ZNHIT6: variants seen among roughly 807,000 people sequenced by gnomAD.
ZNHIT6 encodes the protein zinc finger HIT-type containing 6.
Under a neutral mutation model 57.2 loss-of-function variants are expected in ZNHIT6, and 45 were observed. That is an observed-to-expected ratio of 0.79 (90% CI 0.62 to 1.01). The LOEUF (loss-of-function observed/expected upper bound fraction) is 1.01, where lower values mean the gene tolerates loss of function less well. ZNHIT6 is among the 50% of genes least tolerant of loss of function. The pLI, the probability that ZNHIT6 is intolerant of heterozygous loss-of-function variation, is 0.00. For synonymous variants in ZNHIT6, 188 were observed against 190.0 expected (o/e 0.99, Z 0.09); for missense variants, 528 against 567.3 (o/e 0.93, Z 0.70).
At chr1:85,683,871 C>T (rs748191983) in intron 5 of ZNHIT6, among the ~76,000 whole-genome samples, 8 of 151,948 alleles carry the variant, frequency 5.3e-5, no homozygotes, top group Non-Finnish European at 1.2e-4. Context: ...CACTGCAGGA[C>T]GTTTAGCAGC....
chr1:85,680,167 C>A (rs747573929), intron 6 of ZNHIT6, among the ~76,000 whole-genome samples: 1 of 152,208 alleles, frequency 6.6e-6, no homozygotes, highest in Admixed American at 6.5e-5. Flanking sequence ...GTCCGCACCA[C>A]TGCACTCCAG....
chr1:85,687,278 T>C (rs1662074499), intron 5 of ZNHIT6, among the ~76,000 whole-genome samples: 1 of 10,080 alleles, frequency 9.9e-5, no homozygotes, highest in Admixed American at 1.3e-3. Context: ...GAGAAGACTA[T>C]CTCAAAAAAC....
chr1:85,660,834 T>C (rs1661202773), intron 8 of ZNHIT6, among the ~76,000 whole-genome samples: 1 of 152,208 alleles, frequency 6.6e-6, no homozygotes, highest in African/African-American at 2.4e-5. Context: ...TGTCAACTGA[T>C]AAATTATTTT....
At chr1:85,702,821 T>C (rs564459425) in intron 4 of ZNHIT6, among the ~76,000 whole-genome samples, 35 of 152,332 alleles carry the variant, frequency 2.3e-4, no homozygotes, top group Non-Finnish European at 8.8e-5. Flanking sequence ...CTGACATGTG[T>C]TATTACATTG....
At chr1:85,657,081 T>C (rs1169543694) in intron 9 of ZNHIT6, among the ~76,000 whole-genome samples, 1 of 152,142 alleles carries the variant, frequency 6.6e-6, no homozygotes, top group Non-Finnish European at 1.5e-5. Context: ...TGGATTAAGG[T>C]GGGTAATCTT....
At chr1:85,655,488 C>A (rs1457664061) in intron 9 of ZNHIT6, among the ~76,000 whole-genome samples, 1 of 152,162 alleles carries the variant, frequency 6.6e-6, no homozygotes, top group African/African-American at 2.4e-5. Flanking sequence ...TTGAGTTACA[C>A]TAGAACATCA....
At chr1:85,696,055 A>AG (rs1250037288) in intron 5 of ZNHIT6, among the ~76,000 whole-genome samples, 1 of 152,168 alleles carries the variant, frequency 6.6e-6, no homozygotes, top group Non-Finnish European at 1.5e-5. Context: ...AAAAAACAGC[A>AG]TGGTTCATCT....
chr1:85,678,896 G>C (rs1262072649), intron 6 of ZNHIT6, 115 bp from the exon 7 acceptor site: 1 of 546,608 alleles, frequency 1.8e-6, no homozygotes, highest in Non-Finnish European at 3.1e-6. Flanking sequence ...ACTGAACAAA[G>C]ACCTTTTATA....
At chr1:85,667,961 A>AAAAAAAAAAAAATGTATATAT in intron 8 of ZNHIT6, among the ~76,000 whole-genome samples, 3 of 18,200 alleles carry the variant, frequency 1.6e-4, no homozygotes, top group Non-Finnish European at 3.0e-4. Flanking sequence ...AAAAAAAAAA[A>AAAAAAAAAAAAATGTATATAT]ATATATATAT....
chr1:85,678,833 C>T (rs1304378583), intron 6 of ZNHIT6, 52 bp from the exon 7 acceptor site: 1 of 1,019,226 alleles, frequency 9.8e-7, no homozygotes, highest in Non-Finnish European at 1.4e-6. Flanking sequence ...TAATTTTCTA[C>T]TAAAGGTGTT....
chr1:85,704,402 G>A (rs1292007678), intron 4 of ZNHIT6, among the ~76,000 whole-genome samples: 3 of 151,954 alleles, frequency 2.0e-5, no homozygotes, highest in Non-Finnish European at 2.9e-5. Flanking sequence ...AACAAATTGT[G>A]GTACAGTCCT....
At chr1:85,681,624 G>A (rs1181844389) in intron 5 of ZNHIT6, among the ~76,000 whole-genome samples, 2 of 152,124 alleles carry the variant, frequency 1.3e-5, no homozygotes, top group Non-Finnish European at 2.9e-5. Context: ...ATCCATTAGA[G>A]CAAGTTAATG....
intron 5 of ZNHIT6, 36 bp from the exon 6 acceptor site, chr1:85,680,940 GATA>G: frequency 6.7e-7 from 1 of 1,500,514 alleles, no homozygotes; most frequent in Non-Finnish European, 9.2e-7. Context: ...AATCAAGGTA[GATA>G]ATAAAAGTCT....
rs565628633 is a variant in ZNHIT6, at chr1:85,681,875, CA to C, written c.1020-972del. Among the ~76,000 whole-genome samples, 168 of 151,920 alleles carry C rather than the reference CA, an allele frequency of 1.1e-3. No individual in the cohort carries two copies. In the Middle Eastern group the frequency reaches 0.017, roughly 15 times the overall value. On this transcript the variant is annotated intron_variant, in intron 5 of 9. Transcript: ENST00000370574. ...TTTAAAAATTTGAATGCAAAAGCAA[CA>C]GTTACTAGTTTTAAATAAATAATTC...
rs574027299 is a variant in ZNHIT6 at position 85,703,774 on chromosome 1, G to C, written c.916-1514C>G. Among the ~76,000 whole-genome samples the C allele has an allele frequency of 2.6e-5, 4 of 152,166 alleles. No individual in the cohort carries two copies. In the South Asian group the frequency reaches 8.3e-4, roughly 32 times the overall value. On this transcript the variant is annotated intron_variant, in intron 4 of 9. Coordinates refer to ENST00000370574, the MANE Select transcript of ZNHIT6 (RefSeq NM_017953.4). ...CCTACTAACTATAAAGGAAACAAATGATAAATTTGACTACATTAAAACTAA... is the reference window on the plus strand; with the variant it reads ...CCTACTAACTATAAAGGAAACAAATCATAAATTTGACTACATTAAAACTAA...
At chr1:85,704,089 C>G (rs1014984645) in intron 4 of ZNHIT6, among the ~76,000 whole-genome samples, 1 of 152,128 alleles carries the variant, frequency 6.6e-6, no homozygotes, top group Non-Finnish European at 1.5e-5. Context: ...ACAAAGCCAA[C>G]AGATTGACAA....
At chr1:85,654,943 A>C (rs961160927) in intron 9 of ZNHIT6, among the ~76,000 whole-genome samples, 1 of 152,212 alleles carries the variant, frequency 6.6e-6, no homozygotes. Context: ...ACAGCTTATA[A>C]AAGCTGATGC....
chr1:85,653,993 C>T lies in ZNHIT6; in HGVS notation c.*65G>A. The T allele has an allele frequency of 2.9e-6, 4 of 1,390,666 alleles. No individual in the cohort carries two copies. Among genetic ancestry groups the T allele is most frequent in the Non-Finnish European group, 4.0e-6 (4 of 989,732 alleles). 86.1% of individuals were successfully genotyped at this position (1,390,666 alleles called of 1,614,324 possible). On this transcript the variant is annotated 3_prime_UTR_variant, in exon 10 of 10. Coordinates refer to ENST00000370574, the MANE Select transcript of ZNHIT6 (RefSeq NM_017953.4). The stretch of plus-strand genomic sequence containing the variant: ...TGACAATACCCCAATCAGCCAACAG[C>T]CCATCAATGCAGAGTCTGCTGCAGT...
intron 5 of ZNHIT6, among the ~76,000 whole-genome samples, chr1:85,688,881 C>T (rs1662137437): frequency 6.6e-6 from 1 of 152,110 alleles, no homozygotes; most frequent in Non-Finnish European, 1.5e-5. Context: ...GATGATATAA[C>T]CAAGTTGCTG....
Sources: gnomAD v4.1 joint callset for allele counts (sites outside exome capture counted in the v4.1 genomes callset) on GRCh38, gnomAD v4.1.1 for gene constraint, MANE v1.5 for transcripts, NCBI Gene and HGNC (gene_info 2026-07-23, HGNC 2026-07-21) for gene names.